The following OPCML variants were observed in gnomAD, a reference collection of about 807,000 sequenced individuals.
The protein encoded by OPCML is opioid binding protein/cell adhesion molecule like, also known as opioid-binding protein/cell adhesion molecule.
OPCML carries 13 observed loss-of-function variants against 37.8 expected under a neutral mutation model. The observed-to-expected ratio is 0.34, with a 90% CI of 0.22 to 0.55. The LOEUF (loss-of-function observed/expected upper bound fraction) is 0.55. OPCML is among the 20% of genes least tolerant of loss of function. The pLI is 0.91. For synonymous variants in OPCML, 176 were observed against 168.8 expected, an observed-to-expected ratio of 1.04 and a Z score of -0.33; for missense variants, 341 against 435.6, an observed-to-expected ratio of 0.78 and a Z score of 1.93.
chr11:133,399,454 T>G (rs967139399), intron 1 of OPCML, among the ~76,000 whole-genome samples: 1 of 152,190 alleles, frequency 6.6e-6, no homozygotes, highest in Non-Finnish European at 1.5e-5. Flanking sequence ...AAGCTCTTGA[T>G]GAATGCCAGC....
At chr11:132,662,202 G>A (rs1942004148) in intron 2 of OPCML, among the ~76,000 whole-genome samples, 1 of 152,166 alleles carries the variant, frequency 6.6e-6, no homozygotes, top group South Asian at 2.1e-4. Flanking sequence ...TGGTTCATGG[G>A]TCTGGAGGGA....
chr11:132,553,858 G>C (rs1346279980), intron 3 of OPCML, among the ~76,000 whole-genome samples: 2 of 152,182 alleles, frequency 1.3e-5, no homozygotes, highest in African/African-American at 4.8e-5. Flanking sequence ...GCCTGAAGCT[G>C]AATTGGATCT....
chr11:133,257,151 T>C (rs1440622619), intron 1 of OPCML, among the ~76,000 whole-genome samples: 2 of 152,192 alleles, frequency 1.3e-5, no homozygotes, highest in African/African-American at 4.8e-5. Flanking sequence ...TACTTAACTG[T>C]TAAAGTAAAG....
intron 3 of OPCML, among the ~76,000 whole-genome samples, chr11:132,543,077 T>G (rs1419440677): frequency 6.6e-6 from 1 of 152,228 alleles, no homozygotes; most frequent in Non-Finnish European, 1.5e-5. Flanking sequence ...GGAAAGGGTC[T>G]GAGCTCAGGG....
chr11:133,497,117 C>T (rs1947803777), intron 1 of OPCML, among the ~76,000 whole-genome samples: 1 of 152,144 alleles, frequency 6.6e-6, no homozygotes, highest in Non-Finnish European at 1.5e-5. Flanking sequence ...TAAAGGGATG[C>T]TGGATTTTGT....
At chr11:133,499,806 G>GTATA (rs1263250736) in intron 1 of OPCML, among the ~76,000 whole-genome samples, 1 of 137,722 alleles carries the variant, frequency 7.3e-6, no homozygotes, top group Non-Finnish European at 1.5e-5. Context: ...ATATATGTGT[G>GTATA]TGTATATATA....
intron 4 of OPCML, among the ~76,000 whole-genome samples, chr11:132,488,780 A>G (rs141569986): frequency 3.3e-4 from 50 of 152,342 alleles, no homozygotes; most frequent in African/African-American, 1.2e-3. Context: ...AAGAGGTATC[A>G]TGGTTTTCAT....
At chr11:133,146,746 C>T (rs1241709329) in intron 1 of OPCML, among the ~76,000 whole-genome samples, 1 of 152,214 alleles carries the variant, frequency 6.6e-6, no homozygotes, top group Non-Finnish European at 1.5e-5. Flanking sequence ...CAGGCATGAA[C>T]CACCACGCCG....
intron 2 of OPCML, among the ~76,000 whole-genome samples, chr11:132,906,655 C>T (rs993256736): frequency 2.0e-5 from 3 of 152,074 alleles, no homozygotes; most frequent in South Asian, 2.1e-4. Context: ...AAAATGTCAG[C>T]GAGTGTACAG....
At chr11:132,450,997 T>C (rs2096067172) in intron 4 of OPCML, among the ~76,000 whole-genome samples, 1 of 152,150 alleles carries the variant, frequency 6.6e-6, no homozygotes, top group Non-Finnish European at 1.5e-5. Context: ...TGGGTGTGTG[T>C]ATGTGTGTAT....
intron 1 of OPCML, among the ~76,000 whole-genome samples, chr11:133,393,202 G>A (rs529837922): frequency 6.6e-6 from 1 of 152,276 alleles, no homozygotes; most frequent in African/African-American, 2.4e-5. Context: ...ACAAGTTACA[G>A]TGCCACTGCG....
intron 1 of OPCML, among the ~76,000 whole-genome samples, chr11:133,430,012 G>A (rs1028357913): frequency 9.0e-4 from 137 of 152,272 alleles, no homozygotes; most frequent in African/African-American, 3.2e-3. Context: ...ATGGGCAGAG[G>A]CCTAGGTCCT....
At chr11:132,920,090 C>A (rs12419226) in intron 2 of OPCML, among the ~76,000 whole-genome samples, 1 of 151,978 alleles carries the variant, frequency 6.6e-6, no homozygotes, top group African/African-American at 2.4e-5. Context: ...CACAACCTTA[C>A]GAATATAGTA....
intron 3 of OPCML, among the ~76,000 whole-genome samples, chr11:132,544,863 T>A (rs1454798169): frequency 1.3e-5 from 2 of 152,038 alleles, no homozygotes; most frequent in African/African-American, 4.8e-5. Flanking sequence ...AGCCACACAC[T>A]AACATTTCTC....
At chr11:133,043,599 T>C (rs1947949389) in intron 1 of OPCML, among the ~76,000 whole-genome samples, 1 of 152,218 alleles carries the variant, frequency 6.6e-6, no homozygotes, top group Non-Finnish European at 1.5e-5. Flanking sequence ...TGTACGGGAT[T>C]AGACAACACG....
chr11:132,876,400 G>C (rs1242554924), intron 2 of OPCML, among the ~76,000 whole-genome samples: 1 of 152,168 alleles, frequency 6.6e-6, no homozygotes, highest in East Asian at 1.9e-4. Flanking sequence ...AACGCTGTCA[G>C]TCAGAGCTAC....
chr11:132,500,252 T>A (rs906305010), intron 4 of OPCML, among the ~76,000 whole-genome samples: 1 of 152,220 alleles, frequency 6.6e-6, no homozygotes, highest in African/African-American at 2.4e-5. Flanking sequence ...TTATCAATCA[T>A]GCCTCATTGT....
intron 1 of OPCML, among the ~76,000 whole-genome samples, chr11:133,397,209 T>C (rs531788434): frequency 1.7e-4 from 26 of 152,350 alleles, no homozygotes; most frequent in African/African-American, 6.3e-4. Context: ...CCAGTTGGGC[T>C]GGATCTTCCA....
intron 1 of OPCML, among the ~76,000 whole-genome samples, chr11:133,042,057 C>A (rs1025795766): frequency 6.6e-6 from 1 of 152,166 alleles, no homozygotes; most frequent in African/African-American, 2.4e-5. Context: ...TGGGGGGAGC[C>A]TGCTTATTCC....
Sources: allele counts gnomAD v4.1 joint callset (sites outside exome capture counted in the v4.1 genomes callset), GRCh38; gene constraint gnomAD v4.1.1; transcripts MANE v1.5; gene names NCBI Gene and HGNC (gene_info 2026-07-23, HGNC 2026-07-21).